SLC38A5: variants seen among roughly 807,000 people sequenced by gnomAD.
SLC38A5 encodes the protein solute carrier family 38 member 5.
A neutral mutation model predicts 34.6 loss-of-function variants in SLC38A5; 9 were observed. The observed-to-expected ratio is 0.26, with a 90% CI of 0.16 to 0.45. SLC38A5 has a LOEUF of 0.45. Among genes scored for constraint, SLC38A5 ranks in the 20% least tolerant of loss-of-function variants. SLC38A5 has a pLI of 1.00. For missense variants in SLC38A5, 253 were observed against 394.7 expected, an observed-to-expected ratio of 0.64 and a Z score of 3.04; for synonymous variants, 157 against 155.6, an observed-to-expected ratio of 1.01 and a Z score of -0.07.
At chrX:48,462,685 A>G (rs1462033591) in intron 9 of SLC38A5, among the ~76,000 whole-genome samples, 1 of 110,848 alleles carries the variant, frequency 9.0e-6, no homozygotes, top group Non-Finnish European at 1.9e-5. Flanking sequence ...CTAGCCTTCA[A>G]GGTCTACCCA....
At position 48,459,505 on chromosome X, in the gene SLC38A5, T is replaced by G. The variant is rs1602019660; in HGVS notation, c.1317+31A>C. ...AGCACTCCCTCCTTGGAGTGCTCCCTCTCTCCCTAGCTCTGCCCTGGAATG... is the reference window on the plus strand; with the variant it reads ...AGCACTCCCTCCTTGGAGTGCTCCCGCTCTCCCTAGCTCTGCCCTGGAATG... On this transcript the variant is annotated intron_variant, in intron 16 of 16. Transcript: ENST00000620913. 4 of 1,065,947 alleles carry G rather than the reference T, an allele frequency of 3.8e-6. No individual in the cohort carries two copies. In the East Asian group the frequency reaches 1.0e-4, roughly 27 times the overall value. 87.8% of individuals were successfully genotyped at this position (1,065,947 alleles called of 1,213,427 possible).
chrX:48,463,912 A>AAAGAAAGAAAGG (rs1569470026), intron 8 of SLC38A5, among the ~76,000 whole-genome samples: 1 of 103,600 alleles, frequency 9.7e-6, no homozygotes, highest in Non-Finnish European at 2.0e-5. Flanking sequence ...AGAAAGAAAG[A>AAAGAAAGAAAGG]GAAAGAAAGA....
At chrX:48,468,892 C>T (rs1556964346) in intron 2 of SLC38A5, 1 of 750,543 alleles carries the variant, frequency 1.3e-6, no homozygotes, top group African/African-American at 2.4e-5. Context: ...TACCGAGTTT[C>T]CTGGGGTGGG....
At position 48,458,855 on chromosome X, in the gene SLC38A5, T is replaced by A; in HGVS notation, c.*78A>T. ...ATGGGAACCAGCCACCTCCACATGT[T>A]GGGCAGGAGGGACCCTAGGGAGCGG... On this transcript the variant is annotated 3_prime_UTR_variant, in exon 17 of 17. Coordinates refer to ENST00000620913, the MANE Select transcript of SLC38A5 (RefSeq NM_033518.4). 1 of 1,111,009 alleles carries A rather than the reference T, an allele frequency of 9.0e-7. No homozygotes were observed. 91.6% of individuals were successfully genotyped at this position (1,111,009 alleles called of 1,213,427 possible).
Position 48,470,189 on chromosome X carries a change from A to T in SLC38A5, c.-111T>A, listed in dbSNP as rs1310621153. On this transcript the variant is annotated 5_prime_UTR_variant, in exon 1 of 17. Coordinates refer to ENST00000620913, the MANE Select transcript of SLC38A5 (RefSeq NM_033518.4). ...AGGCTATTCCAGGCAGACCTCAGGC[A>T]GACAGCCTAGGCACGAGAGGACCCT... The T allele has an allele frequency of 8.9e-6, 1 of 112,177 alleles. No individual in the cohort carries two copies. Among genetic ancestry groups the T allele is most frequent in the Non-Finnish European group, 1.9e-5 (1 of 53,196 alleles). The allele number at this position is 112,177 out of a possible 1,213,427, so 9.2% of individuals were successfully genotyped here. A position where few individuals can be genotyped will look rare whatever the true frequency, so the allele number is the denominator to read the frequency against.
At chrX:48,467,263 G>A (rs1422339582) in intron 4 of SLC38A5, 186 bp from the exon 5 acceptor site, 1 of 446,415 alleles carries the variant, frequency 2.2e-6, no homozygotes, top group Non-Finnish European at 3.9e-6. Flanking sequence ...CTGCGAATGG[G>A]GAGAGCTGGG....
At chrX:48,468,334 T>G in intron 2 of SLC38A5, 3 of 787,109 alleles carry the variant, frequency 3.8e-6, no homozygotes, top group Admixed American at 7.2e-5. Flanking sequence ...GTGTCTTTCA[T>G]TCCCCGGTCC....
chrX:48,458,691 T>TCCA lies in SLC38A5; in HGVS notation c.*241_*242insTGG. 1.0e-6 allele frequency: 1 copy of TCCA among 987,911 alleles called. No homozygotes were observed. 81.4% of individuals were successfully genotyped at this position (987,911 alleles called of 1,213,427 possible). A position where few individuals can be genotyped will look rare whatever the true frequency, so the allele number is the denominator to read the frequency against. ...CTCCTCCTCCTCCTCCTCCTCCTCC[T>TCCA]CCTCTTCTTCCTCCTCCTCCTCCTC... is the stretch of plus-strand genomic sequence containing the variant. On this transcript the variant is annotated 3_prime_UTR_variant, in exon 17 of 17. Coordinates refer to ENST00000620913, the MANE Select transcript of SLC38A5 (RefSeq NM_033518.4).
In SLC38A5 at chrX:48,468,003, G is replaced by C. The variant is rs915506442; in HGVS notation, c.-1-78C>G. 4.4e-5 allele frequency: 41 copies of C among 936,656 alleles called. No individual in the cohort carries two copies. The Middle Eastern group carries it at 8.0e-4, about 18-fold the overall frequency. 77.2% of individuals were successfully genotyped at this position (936,656 alleles called of 1,213,427 possible). ...AAAGTGAGGGGAGCTGAAGAAGGGG[G>C]GAGGGGAGTCCCATAGAGACCGATG... On this transcript the variant is annotated intron_variant, in intron 2 of 16. Transcript: ENST00000620913.
intron 8 of SLC38A5, among the ~76,000 whole-genome samples, chrX:48,463,671 C>T (rs782779851): frequency 1.0e-5 from 1 of 96,535 alleles, no homozygotes; most frequent in South Asian, 5.2e-4. Flanking sequence ...CAGCTACTCG[C>T]GAGGCTGAGG....
intron 9 of SLC38A5, among the ~76,000 whole-genome samples, chrX:48,462,678 G>A (rs1158652746): frequency 9.1e-6 from 1 of 110,418 alleles, no homozygotes; most frequent in Non-Finnish European, 1.9e-5. Context: ...ACCTAGTCTA[G>A]CCTTCAAGGT....
At chrX:48,468,959 T>C in intron 2 of SLC38A5, 1 of 753,582 alleles carries the variant, frequency 1.3e-6, no homozygotes, top group Non-Finnish European at 1.6e-6. Context: ...GTACAGCGTC[T>C]CTGAAGAAAC....
At chrX:48,468,440 C>T in intron 2 of SLC38A5, 1 of 756,581 alleles carries the variant, frequency 1.3e-6, no homozygotes. Flanking sequence ...CCCCACCCCT[C>T]CTAATGCCCT....
chrX:48,468,397 C>A, intron 2 of SLC38A5: 1 of 768,783 alleles, frequency 1.3e-6, no homozygotes, highest in Non-Finnish European at 1.5e-6. Context: ...CCAGGCGGCT[C>A]ACTCCTTGCA....
At chrX:48,465,449 C>G (rs1270636937) in intron 8 of SLC38A5, among the ~76,000 whole-genome samples, 1 of 111,912 alleles carries the variant, frequency 8.9e-6, no homozygotes, top group African/African-American at 3.3e-5. Context: ...TACGTGCACA[C>G]AGACACACTG....
intron 8 of SLC38A5, among the ~76,000 whole-genome samples, chrX:48,464,806 T>C (rs1036842066): frequency 9.1e-6 from 1 of 109,612 alleles, no homozygotes; most frequent in African/African-American, 3.3e-5. Context: ...TGGTGGTGCA[T>C]GCCTGTAATC....
At chrX:48,464,364 A>G (rs897079206) in intron 8 of SLC38A5, among the ~76,000 whole-genome samples, 13 of 112,925 alleles carry the variant, frequency 1.2e-4, no homozygotes, top group Non-Finnish European at 2.1e-4. Context: ...ATATACAGTT[A>G]CACAGAAATA....
intron 1 of SLC38A5, 79 bp downstream of exon 1, chrX:48,470,103 G>A (rs2061502634): frequency 8.8e-6 from 1 of 113,481 alleles, no homozygotes; most frequent in African/African-American, 3.3e-5. Flanking sequence ...GAGGCAGAGA[G>A]AGGCAGATTC....
At chrX:48,468,560 G>A in intron 2 of SLC38A5, 1 of 249,210 alleles carries the variant, frequency 4.0e-6, no homozygotes. Context: ...CCCAGACGCT[G>A]CAAACTGCTC....
Sources: allele counts gnomAD v4.1 joint callset (sites outside exome capture counted in the v4.1 genomes callset), GRCh38; gene constraint gnomAD v4.1.1; transcripts MANE v1.5; gene names NCBI Gene and HGNC (gene_info 2026-07-23, HGNC 2026-07-21).